Variants in ZNF846 observed in about 807,000 individuals in gnomAD.
The protein encoded by ZNF846 is zinc finger protein 420 pseudogene.
ZNF846 carries 15 observed loss-of-function variants against 16.0 expected under a neutral mutation model. The ratio of observed to expected loss-of-function variants is 0.94; its 90% CI spans 0.63 to 1.45. ZNF846 has a LOEUF of 1.45. ZNF846 is among the 40% of genes most tolerant of loss of function. The probability of loss-of-function intolerance (pLI) is 0.00; values close to 1 mark genes in which losing one functional copy is unlikely to be tolerated. For missense variants in ZNF846, 714 were observed against 622.3 expected (o/e 1.15, Z -1.57); for synonymous variants, 229 against 212.0 (o/e 1.08, Z -0.70).
At chr19:9,773,432 G>A (rs1343402262), upstream of ZNF846, among the ~76,000 whole-genome samples, 2 of 152,184 alleles carry the variant, frequency 1.3e-5, no homozygotes, top group East Asian at 3.8e-4. Context: ...GTGTCTGTGT[G>A]TGTGTGTACT....
exon 6 of ZNF846, chr19:9,757,603 A>T (rs1240580791): frequency 3.7e-6 from 6 of 1,613,506 alleles, no homozygotes; most frequent in South Asian, 2.2e-5. Context: ...ACGTTAAGGT[A>T]TGTGGAATAC....
At chr19:9,777,386 T>C (rs1353373663) in intron 1 of ZNF846, among the ~76,000 whole-genome samples, 2 of 151,554 alleles carry the variant, frequency 1.3e-5, no homozygotes, top group Non-Finnish European at 2.9e-5. Flanking sequence ...AAAACTTGAG[T>C]TTGGAGCCGG....
At chr19:9,765,802 C>A (rs1212270321) in intron 1 of ZNF846, among the ~76,000 whole-genome samples, 1 of 151,694 alleles carries the variant, frequency 6.6e-6, no homozygotes, top group Non-Finnish European at 1.5e-5. Flanking sequence ...CAGGGGGTGG[C>A]TCATGCCTGT....
chr19:9,748,863 C>G (rs143404984), downstream of ZNF846, among the ~76,000 whole-genome samples: 100 of 152,248 alleles, frequency 6.6e-4, no homozygotes, highest in African/African-American at 2.2e-3. Flanking sequence ...CGACTATCTT[C>G]CAGTCCTCCA....
chr19:9,767,585 T>C (rs1353861605), intron 1 of ZNF846, among the ~76,000 whole-genome samples: 1 of 152,148 alleles, frequency 6.6e-6, no homozygotes, highest in Non-Finnish European at 1.5e-5. Context: ...AATCTACAGA[T>C]AGCCTGGGCA....
chr19:9,766,942 A>G (rs2045325297), intron 1 of ZNF846, among the ~76,000 whole-genome samples: 2 of 151,338 alleles, frequency 1.3e-5, no homozygotes, highest in South Asian at 4.2e-4. Context: ...ATGCATGCAC[A>G]TCTTAAAGAA....
chr19:9,749,991 T>C (rs1457829455), downstream of ZNF846, among the ~76,000 whole-genome samples: 1 of 152,138 alleles, frequency 6.6e-6, no homozygotes, highest in Non-Finnish European at 1.5e-5. Flanking sequence ...ACTATCCCTG[T>C]TGCTGCTCCT....
chr19:9,757,570 C>T (rs2045151456), exon 6 of ZNF846: 1 of 1,613,104 alleles, frequency 6.2e-7, no homozygotes, highest in African/African-American at 1.3e-5. Flanking sequence ...TATGGTTTTG[C>T]TCCAGTGTGA....
chr19:9,763,525 C>CTGGGAG, intron 2 of ZNF846, 117 bp from the exon 3 acceptor site: 1 of 857,408 alleles, frequency 1.2e-6, no homozygotes, highest in Non-Finnish European at 1.7e-6. Flanking sequence ...GGCCTCAGGC[C>CTGGGAG]TCTTCTCCTC....
downstream of ZNF846, among the ~76,000 whole-genome samples, chr19:9,754,423 G>T (rs1200786486): frequency 1.3e-5 from 2 of 151,160 alleles, no homozygotes; most frequent in South Asian, 2.1e-4. Flanking sequence ...AATTAGCTGG[G>T]CATGGTGGTG....
downstream of ZNF846, among the ~76,000 whole-genome samples, chr19:9,751,410 A>G (rs772992415): frequency 6.6e-6 from 1 of 152,182 alleles, no homozygotes; most frequent in South Asian, 2.1e-4. Context: ...ATTAACATAA[A>G]AAAACAGGAA....
chr19:9,755,979 T>C (rs1211580073), downstream of ZNF846, among the ~76,000 whole-genome samples: 1 of 148,910 alleles, frequency 6.7e-6, no homozygotes, highest in Admixed American at 6.6e-5. Flanking sequence ...CAATTGGGAT[T>C]AAAGGCACCC....
At chr19:9,775,801 C>T (rs1419546303) in intron 1 of ZNF846, among the ~76,000 whole-genome samples, 4 of 151,960 alleles carry the variant, frequency 2.6e-5, no homozygotes, top group Admixed American at 6.6e-5. Flanking sequence ...AGCAAGAGAC[C>T]GAGGACACGA....
At chr19:9,766,616 G>A (rs974863845) in intron 1 of ZNF846, among the ~76,000 whole-genome samples, 32 of 151,342 alleles carry the variant, frequency 2.1e-4, no homozygotes, top group African/African-American at 7.5e-4. Flanking sequence ...GGTGGCTCAC[G>A]CCTGTAATCC....
downstream of ZNF846, among the ~76,000 whole-genome samples, chr19:9,754,564 TAAAA>T (rs545236944): frequency 3.4e-5 from 3 of 88,706 alleles, no homozygotes; most frequent in African/African-American, 1.0e-4. Context: ...GACTCTGTCT[TAAAA>T]AAAAAAAAAA....
At chr19:9,749,551 T>C (rs1191147880), downstream of ZNF846, among the ~76,000 whole-genome samples, 3 of 150,180 alleles carry the variant, frequency 2.0e-5, no homozygotes, top group Admixed American at 6.6e-5. Context: ...TCTTTCTTTT[T>C]TTTTTTTTTT....
downstream of ZNF846, chr19:9,756,403 C>G (rs531365235): frequency 7.7e-6 from 1 of 129,610 alleles, no homozygotes; most frequent in Non-Finnish European, 1.6e-5. Flanking sequence ...TCCCATATTT[C>G]TAACATTCAT....
At chr19:9,763,166 T>G (rs949383689) in intron 3 of ZNF846, 116 bp downstream of exon 3, 1 of 887,256 alleles carries the variant, frequency 1.1e-6, no homozygotes, top group Non-Finnish European at 1.6e-6. Flanking sequence ...AAAAGGAATG[T>G]CCACTGGCCA....
chr19:9,767,909 G>A (rs1432272355), intron 1 of ZNF846, among the ~76,000 whole-genome samples: 1 of 152,100 alleles, frequency 6.6e-6, no homozygotes, highest in African/African-American at 2.4e-5. Context: ...CTCCAGCCTG[G>A]GCAATAAGAG....
Sources: gnomAD v4.1 joint callset for allele counts (sites outside exome capture counted in the v4.1 genomes callset) on GRCh38, gnomAD v4.1.1 for gene constraint, MANE v1.5 for transcripts, NCBI Gene and HGNC (gene_info 2026-07-23, HGNC 2026-07-21) for gene names.